The following C17orf99 variants were observed in gnomAD, a reference collection of about 807,000 sequenced individuals.
C17orf99 encodes protein IL-40.
A neutral mutation model predicts 22.6 loss-of-function variants in C17orf99; 18 were observed. The observed-to-expected ratio is 0.80, with a 90% CI of 0.55 to 1.18. The LOEUF is 1.18. Ranked by LOEUF, C17orf99 falls within the 50% of genes most tolerant of loss-of-function variation. The pLI, the probability that C17orf99 is intolerant of heterozygous loss-of-function variation, is 0.00. For missense variants in C17orf99, 328 were observed against 342.7 expected, an observed-to-expected ratio of 0.96 and a Z score of 0.34; for synonymous variants, 147 against 136.6, an observed-to-expected ratio of 1.08 and a Z score of -0.53.
Position 78,164,267 on chromosome 17 carries a change from C to G in C17orf99, c.543C>G (p.Asn181Lys). ...GACCATGCCACAGGCAGCCTGCCAA[C>G]TTCTCCTTCCTGCCGAGCCAGACAT... ...QQRPCHRQPA[N>K]FSFLPSQTSD... Residue 181 changes from asparagine to lysine, a missense_variant, in exon 4 of 5, where the codon AAC becomes AAG. Transcript: ENST00000340363. 1 of 1,551,500 alleles carries G rather than the reference C, an allele frequency of 6.4e-7. No homozygotes were observed. Among genetic ancestry groups the G allele is most frequent in the South Asian group, 1.2e-5 (1 of 84,070 alleles).
At chr17:78,147,718 C>T (rs3813025) in intron 2 of C17orf99, among the ~76,000 whole-genome samples, 8,674 of 152,172 alleles carry the variant, frequency 0.057, 500 homozygotes, top group East Asian at 0.17. Flanking sequence ...AGGGCAGGTA[C>T]AGGGTAATGA....
intron 2 of C17orf99, among the ~76,000 whole-genome samples, chr17:78,153,689 T>G (rs2075503076): frequency 6.6e-6 from 1 of 152,070 alleles, no homozygotes; most frequent in Admixed American, 6.6e-5. Flanking sequence ...GTGTCAGCCC[T>G]GGACGCCCAC....
chr17:78,158,251 G>C (rs2145788768), intron 2 of C17orf99: 1 of 556,422 alleles, frequency 1.8e-6, no homozygotes, highest in East Asian at 4.2e-5. Context: ...CCCTCCCCCA[G>C]GCTGGCTTGG....
In C17orf99 at chr17:78,160,038, G is replaced by A. The variant is rs1355776074; in HGVS notation, c.71-917G>A. On this transcript the variant is annotated intron_variant, in intron 2 of 4. Coordinates refer to ENST00000340363, the MANE Select transcript of C17orf99 (RefSeq NM_001163075.2). ...ACGCTGCCATGAGCGTGTGTGTACAGGTATCTGTTTGAGTCCCTGTTTTCT... is the reference window on the plus strand; with the variant it reads ...ACGCTGCCATGAGCGTGTGTGTACAAGTATCTGTTTGAGTCCCTGTTTTCT... The A allele has an allele frequency of 2.0e-5, 9 of 456,062 alleles. No individual in the cohort carries two copies. The Admixed American group carries it at 2.1e-4, about 11-fold the overall frequency. The allele number at this position is 456,062 out of a possible 1,614,324, so 28.3% of individuals were successfully genotyped here.
chr17:78,165,766 C>A (rs2075612639), intron 4 of C17orf99, 123 bp from the exon 5 acceptor site: 3 of 1,236,988 alleles, frequency 2.4e-6, no homozygotes, highest in Non-Finnish European at 2.0e-6. Context: ...CGTGCCATTG[C>A]ACTCCAGCCT....
chr17:78,149,727 TG>T (rs140379587), intron 2 of C17orf99, among the ~76,000 whole-genome samples: 8,583 of 150,934 alleles, frequency 0.057, 562 homozygotes, highest in Admixed American at 0.21. Context: ...TTTTTTTTTT[TG>T]AGACGGGGTC....
rs61377640 is a variant in C17orf99 at position 78,166,155 on chromosome 17, CAAA to C, written c.*129_*131del. On this transcript the variant is annotated 3_prime_UTR_variant, in exon 5 of 5. Coordinates refer to ENST00000340363, the MANE Select transcript of C17orf99 (RefSeq NM_001163075.2). ...GAGTGTGTTTTAGCTGCTCTTGCCA[CAAA>C]AAAAAAAAAAAAAAAAAAAGGGTAA... is the stretch of plus-strand genomic sequence containing the variant. 5,387 of 144,228 alleles carry C rather than the reference CAAA, an allele frequency of 0.037. No homozygotes were observed. Among genetic ancestry groups the C allele is most frequent in the Middle Eastern group, 0.066 (26 of 394 alleles). The allele number at this position is 144,228 out of a possible 1,614,324, so 8.9% of individuals were successfully genotyped here. A position where few individuals can be genotyped will look rare whatever the true frequency, so the allele number is the denominator to read the frequency against.
At chr17:78,153,508 T>C (rs1304701350) in intron 2 of C17orf99, among the ~76,000 whole-genome samples, 3 of 151,734 alleles carry the variant, frequency 2.0e-5, no homozygotes, top group Admixed American at 1.3e-4. Flanking sequence ...AAAAAGTGAA[T>C]GTCCCTGGTA....
chr17:78,159,579 A>G (rs1421086666), intron 2 of C17orf99, among the ~76,000 whole-genome samples: 1 of 132,380 alleles, frequency 7.6e-6, no homozygotes, highest in African/African-American at 3.2e-5. Context: ...GCGACAGTGC[A>G]AGACTCTGTC....
chr17:78,165,740 T>A, intron 4 of C17orf99, 149 bp from the exon 5 acceptor site: 1 of 1,156,122 alleles, frequency 8.6e-7, no homozygotes, highest in Non-Finnish European at 1.1e-6. Flanking sequence ...AGGTGGAGGT[T>A]GCAGTGAGCC....
intron 4 of C17orf99, chr17:78,165,003 C>G (rs779887008): frequency 2.0e-4 from 220 of 1,087,296 alleles, no homozygotes; most frequent in Non-Finnish European, 2.4e-4. Flanking sequence ...TCCAGGAGAC[C>G]AAGGTGGACC....
At chr17:78,157,282 G>A (rs569136433) in intron 2 of C17orf99, 25 of 346,474 alleles carry the variant, frequency 7.2e-5, no homozygotes, top group South Asian at 4.8e-4. Flanking sequence ...TGGCCAACAC[G>A]GTGAAAACCC....
chr17:78,164,541 C>T, intron 4 of C17orf99, 177 bp downstream of exon 4: 1 of 1,535,074 alleles, frequency 6.5e-7, no homozygotes. Context: ...GGAAGCCCAA[C>T]CCAGCTGCCT....
chr17:78,165,046 G>A, intron 4 of C17orf99: 2 of 1,070,256 alleles, frequency 1.9e-6, no homozygotes, highest in South Asian at 5.2e-5. Context: ...AACCACCTTG[G>A]GCAGTCTTTC....
chr17:78,158,281 T>G, intron 2 of C17orf99: 1 of 466,630 alleles, frequency 2.1e-6, no homozygotes, highest in Non-Finnish European at 4.1e-6. Context: ...GGTCCTAGGC[T>G]GCTGGACTCC....
chr17:78,164,149 C>G lies in C17orf99; in HGVS notation c.425C>G (p.Pro142Arg), dbSNP rs567755948. Residue 142 changes from proline (P) to arginine (R), a missense_variant, in exon 4 of 5, where the codon CCC becomes CGC. Physicochemically the swap from Pro to Arg is moderately radical, Grantham distance 103. Coordinates refer to ENST00000340363, the MANE Select transcript of C17orf99 (RefSeq NM_001163075.2). Reference protein sequence around the residue: ...NFTLQDRGAGPRVEMICQASS... With the variant: ...NFTLQDRGAGRRVEMICQASS... ...ACTCTGCAGGACAGAGGGGCAGGCC[C>G]CAGGGTGGAGATGATCTGCCAGGCG... 1 of 1,551,634 alleles carries G rather than the reference C, an allele frequency of 6.4e-7. No homozygotes were observed. Among genetic ancestry groups the G allele is most frequent in the Admixed American group, 2.0e-5 (1 of 51,016 alleles).
chr17:78,155,193 T>C (rs1243197540), intron 2 of C17orf99, among the ~76,000 whole-genome samples: 1 of 151,448 alleles, frequency 6.6e-6, no homozygotes, highest in East Asian at 2.0e-4. Context: ...TCTCCCAATA[T>C]TGACAACCAA....
At chr17:78,156,332 G>GAAAA (rs769438256) in intron 2 of C17orf99, among the ~76,000 whole-genome samples, 18 of 63,372 alleles carry the variant, frequency 2.8e-4, no homozygotes, top group Non-Finnish European at 4.1e-4. Context: ...TCCTTCTCCA[G>GAAAA]AAAAAAAAAA....
chr17:78,152,141 C>G (rs1049569983), intron 2 of C17orf99, among the ~76,000 whole-genome samples: 1 of 151,532 alleles, frequency 6.6e-6, no homozygotes, highest in African/African-American at 2.4e-5. Context: ...TATTTAAATG[C>G]TCTTGCAGAG....
Sources: gnomAD v4.1 joint callset for allele counts (sites outside exome capture counted in the v4.1 genomes callset) on GRCh38, gnomAD v4.1.1 for gene constraint, MANE v1.5 for transcripts, NCBI Gene and HGNC (gene_info 2026-07-23, HGNC 2026-07-21) for gene names.